EFCAB11: variants seen among roughly 807,000 people sequenced by gnomAD.
EFCAB11 encodes the protein EF-hand calcium binding domain 11.
Under a neutral mutation model 23.0 loss-of-function variants are expected in EFCAB11, and 14 were observed. The ratio of observed to expected loss-of-function variants is 0.61; its 90% CI spans 0.40 to 0.95. The LOEUF (loss-of-function observed/expected upper bound fraction) is 0.95, where lower values mean the gene tolerates loss of function less well. EFCAB11 is among the 40% of genes least tolerant of loss of function. The pLI is 0.00. For synonymous variants in EFCAB11, 65 were observed against 66.6 expected (o/e 0.98, Z 0.11); for missense variants, 198 against 195.8 (o/e 1.01, Z -0.07).
intron 5 of EFCAB11, among the ~76,000 whole-genome samples, chr14:89,880,952 T>C (rs1888579180): frequency 6.6e-6 from 1 of 152,002 alleles, no homozygotes; most frequent in Non-Finnish European, 1.5e-5. Context: ...ATCTATAAAA[T>C]GGGGAAAGGA....
chr14:89,845,094 A>C (rs996109563), intron 5 of EFCAB11, among the ~76,000 whole-genome samples: 44 of 152,188 alleles, frequency 2.9e-4, no homozygotes, highest in African/African-American at 1.0e-3. Flanking sequence ...ATATTATTTT[A>C]CTCTTGCAAA....
chr14:89,834,459 T>G (rs1476247650), intron 5 of EFCAB11, among the ~76,000 whole-genome samples: 1 of 150,038 alleles, frequency 6.7e-6, no homozygotes, highest in Non-Finnish European at 1.5e-5. Flanking sequence ...GGCAATTGGA[T>G]CTGCATATGT....
intron 5 of EFCAB11, among the ~76,000 whole-genome samples, chr14:89,917,421 T>C (rs1256777295): frequency 6.6e-6 from 1 of 152,190 alleles, no homozygotes; most frequent in Non-Finnish European, 1.5e-5. Flanking sequence ...ATGGCAGGAT[T>C]TCCTTCTTTT....
chr14:89,910,499 G>T (rs1162813303), intron 5 of EFCAB11, among the ~76,000 whole-genome samples: 3 of 152,116 alleles, frequency 2.0e-5, no homozygotes, highest in Non-Finnish European at 4.4e-5. Context: ...TCGAGAGGTT[G>T]AGGCATGAGA....
At chr14:89,842,611 T>A (rs1181033852) in intron 5 of EFCAB11, among the ~76,000 whole-genome samples, 1 of 149,286 alleles carries the variant, frequency 6.7e-6, no homozygotes, top group East Asian at 1.9e-4. Flanking sequence ...TGATATGATA[T>A]GATATGATAT....
chr14:89,937,021 A>T (rs183082195), intron 3 of EFCAB11, among the ~76,000 whole-genome samples: 2 of 152,322 alleles, frequency 1.3e-5, no homozygotes, highest in East Asian at 3.9e-4. Context: ...TTTCAAATAC[A>T]ATGTTGAGTC....
At chr14:89,878,125 A>G (rs1478841787) in intron 5 of EFCAB11, among the ~76,000 whole-genome samples, 3 of 152,232 alleles carry the variant, frequency 2.0e-5, no homozygotes, top group Non-Finnish European at 4.4e-5. Flanking sequence ...ACAGATGACT[A>G]GGAGAAAAAT....
chr14:89,929,214 T>C (rs749204501), intron 5 of EFCAB11, among the ~76,000 whole-genome samples: 70 of 151,836 alleles, frequency 4.6e-4, no homozygotes, highest in Non-Finnish European at 8.7e-4. Context: ...CCACCATACC[T>C]GGCTAATTTT....
At chr14:89,865,511 T>A (rs1888059693) in intron 5 of EFCAB11, among the ~76,000 whole-genome samples, 1 of 152,014 alleles carries the variant, frequency 6.6e-6, no homozygotes, top group Non-Finnish European at 1.5e-5. Flanking sequence ...CTAAAAAAAA[T>A]TTATTTTTAT....
chr14:89,820,976 C>T (rs1376597732), intron 5 of EFCAB11, among the ~76,000 whole-genome samples: 1 of 151,972 alleles, frequency 6.6e-6, no homozygotes, highest in Non-Finnish European at 1.5e-5. Context: ...AAGGCAGTGG[C>T]CTGATCTCAG....
intron 5 of EFCAB11, chr14:89,837,167 G>T (rs1887113898): frequency 2.2e-6 from 1 of 454,792 alleles, no homozygotes; most frequent in Admixed American, 2.4e-5. Flanking sequence ...AGAAATAACA[G>T]ATACACTATT....
intron 5 of EFCAB11, among the ~76,000 whole-genome samples, chr14:89,829,196 G>T (rs1886806919): frequency 6.6e-6 from 1 of 152,174 alleles, no homozygotes; most frequent in Non-Finnish European, 1.5e-5. Context: ...TGACGGTGCA[G>T]GAAATATTCT....
intron 5 of EFCAB11, among the ~76,000 whole-genome samples, chr14:89,832,383 A>G (rs922222543): frequency 6.6e-6 from 1 of 152,110 alleles, no homozygotes; most frequent in Non-Finnish European, 1.5e-5. Flanking sequence ...TTGCTTGGCT[A>G]GCACAGTGTT....
At chr14:89,836,935 C>T (rs1887102471) in intron 5 of EFCAB11, 1 of 438,790 alleles carries the variant, frequency 2.3e-6, no homozygotes. Context: ...AGGAGAATTG[C>T]TTGAACCCAG....
At chr14:89,839,244 T>A (rs1361939963) in intron 5 of EFCAB11, among the ~76,000 whole-genome samples, 3 of 152,064 alleles carry the variant, frequency 2.0e-5, no homozygotes, top group African/African-American at 7.2e-5. Context: ...TACCATCCAG[T>A]TAAGGAGGTG....
chr14:89,954,334 G>A, intron 1 of EFCAB11: 1 of 1,534,982 alleles, frequency 6.5e-7, no homozygotes, highest in Non-Finnish European at 8.7e-7. Context: ...AAAGGCGGGA[G>A]AGATGCAGAC....
chr14:89,881,872 C>T lies in EFCAB11; in HGVS notation c.410+49669G>A, dbSNP rs111524435. 1.7e-3 allele frequency among the ~76,000 whole-genome samples: 258 copies of T among 152,198 alleles called. 1 individual carries two copies. The highest frequency in any genetic ancestry group is 5.8e-3 in the African/African-American group (240 of 41,526). On this transcript the variant is annotated intron_variant, in intron 5 of 5. Transcript: ENST00000316738. ...AGTTGACAGTGTGCATGCACTTGAA[C>T]AAAAATAATTTCAAACCTGGGTCTA... is the stretch of plus-strand genomic sequence containing the variant.
chr14:89,859,558 GT>G (rs1316877829), intron 5 of EFCAB11, among the ~76,000 whole-genome samples: 1 of 152,184 alleles, frequency 6.6e-6, no homozygotes, highest in Non-Finnish European at 1.5e-5. Flanking sequence ...TGTTTCTGAT[GT>G]TTAGTCAGTG....
At chr14:89,853,962 A>G (rs1887672333) in intron 5 of EFCAB11, among the ~76,000 whole-genome samples, 1 of 152,242 alleles carries the variant, frequency 6.6e-6, no homozygotes. Flanking sequence ...TGGAAAGTTT[A>G]TAGACTATAA....
Sources: allele counts gnomAD v4.1 joint callset (sites outside exome capture counted in the v4.1 genomes callset), GRCh38; gene constraint gnomAD v4.1.1; transcripts MANE v1.5; gene names NCBI Gene and HGNC (gene_info 2026-07-23, HGNC 2026-07-21).